CDH12: variants seen among roughly 807,000 people sequenced by gnomAD.
The protein encoded by CDH12 is cadherin 12, also known as cadherin-12.
In CDH12, 41 loss-of-function variants were observed where a neutral mutation model predicts 74.1. The observed-to-expected ratio is 0.55, with a 90% CI of 0.43 to 0.72. CDH12 has a LOEUF of 0.72. CDH12 is among the 30% of genes least tolerant of loss of function. The pLI, the probability that CDH12 is intolerant of heterozygous loss-of-function variation, is 0.00. For synonymous variants in CDH12, 399 were observed against 355.0 expected (o/e 1.12, Z -1.39); for missense variants, 945 against 977.2 (o/e 0.97, Z 0.44).
chr5:21,763,712 T>C (rs775260221), intron 12 of CDH12, among the ~76,000 whole-genome samples: 1 of 152,156 alleles, frequency 6.6e-6, no homozygotes, highest in Non-Finnish European at 1.5e-5. Context: ...TTTATATTAT[T>C]CCTAAATTCA....
chr5:22,456,017 G>A (rs1283531538), intron 2 of CDH12, among the ~76,000 whole-genome samples: 3 of 151,704 alleles, frequency 2.0e-5, no homozygotes, highest in South Asian at 4.2e-4. Flanking sequence ...AAATACTCCC[G>A]ACATGCTTAA....
chr5:22,029,529 C>T (rs575377285), intron 5 of CDH12, among the ~76,000 whole-genome samples: 1 of 151,246 alleles, frequency 6.6e-6, no homozygotes, highest in South Asian at 2.1e-4. Context: ...TCATCACTGG[C>T]CATCAGAGAA....
chr5:22,846,243 G>T lies in CDH12; in HGVS notation c.-523+6815C>A, dbSNP rs76936798. Among the ~76,000 whole-genome samples the T allele has an allele frequency of 7.9e-3, 1,208 of 152,304 alleles. 17 individuals carry two copies. The highest frequency in any genetic ancestry group is 0.028 in the African/African-American group (1,148 of 41,572). ...AAATGAAAAGTCTGGTTTTGAACAA[G>T]TTGGGTTTCAAGTGACTGTTAGATT... On this transcript the variant is annotated intron_variant, in intron 1 of 14. Transcript: ENST00000382254.
At chr5:21,768,855 A>G (rs1466152027) in intron 11 of CDH12, among the ~76,000 whole-genome samples, 2 of 152,050 alleles carry the variant, frequency 1.3e-5, no homozygotes, top group Non-Finnish European at 1.5e-5. Flanking sequence ...TGTTTCTTAT[A>G]AACATAAATA....
chr5:22,540,191 T>C (rs763888742), intron 1 of CDH12, among the ~76,000 whole-genome samples: 3 of 152,126 alleles, frequency 2.0e-5, no homozygotes, highest in Non-Finnish European at 4.4e-5. Context: ...ATAAATATAT[T>C]CATATATGTC....
intron 1 of CDH12, among the ~76,000 whole-genome samples, chr5:22,508,548 A>G (rs1303257439): frequency 1.3e-5 from 2 of 152,116 alleles, no homozygotes; most frequent in Non-Finnish European, 2.9e-5. Flanking sequence ...AAAGTCTAGC[A>G]CCTTTTAAAG....
At chr5:22,002,968 T>C (rs192313630) in intron 5 of CDH12, among the ~76,000 whole-genome samples, 93 of 152,200 alleles carry the variant, frequency 6.1e-4, no homozygotes, top group African/African-American at 2.2e-3. Context: ...TAAATTGTGC[T>C]TTCAAAAATG....
At chr5:22,271,642 T>A (rs991834137) in intron 3 of CDH12, among the ~76,000 whole-genome samples, 10 of 152,200 alleles carry the variant, frequency 6.6e-5, no homozygotes, top group Non-Finnish European at 8.8e-5. Flanking sequence ...AATAAGACTT[T>A]GAAGTCGAGA....
chr5:22,105,300 G>A lies in CDH12; in HGVS notation c.-186-26438C>T, dbSNP rs372645437. Among the ~76,000 whole-genome samples, 760 of 151,102 alleles carry A rather than the reference G, an allele frequency of 5.0e-3. 8 individuals are homozygous for A. The highest frequency in any genetic ancestry group is 0.012 in the South Asian group (59 of 4,746). On this transcript the variant is annotated intron_variant, in intron 4 of 14. Coordinates refer to ENST00000382254, the MANE Select transcript of CDH12 (RefSeq NM_004061.5). Reference sequence around the variant, plus strand: ...AGTAGAGATAGGGTTTCACCATGTTGGCCAGGATGGTCTTGATCTCCTGAC... The same window carrying A: ...AGTAGAGATAGGGTTTCACCATGTTAGCCAGGATGGTCTTGATCTCCTGAC...
chr5:22,045,083 G>A (rs375544519), intron 5 of CDH12, among the ~76,000 whole-genome samples: 4 of 152,266 alleles, frequency 2.6e-5, no homozygotes. Flanking sequence ...CAATTCAACA[G>A]CAAAAATCAA....
Position 22,367,719 on chromosome 5 carries a change from C to G in CDH12, c.-333+37538G>C, listed in dbSNP as rs999300174. On this transcript the variant is annotated intron_variant, in intron 3 of 14. Transcript: ENST00000382254. ...TATCAGGTAAATATAGAAGCCCATT[C>G]CTCTCTAATAGTAGAGATAACACCT... 2.4e-4 allele frequency among the ~76,000 whole-genome samples: 37 copies of G among 152,118 alleles called. 1 individual carries two copies. Among genetic ancestry groups the G allele is most frequent in the African/African-American group, 8.2e-4 (34 of 41,436 alleles).
chr5:22,375,378 C>T (rs934838168), intron 3 of CDH12, among the ~76,000 whole-genome samples: 2 of 152,048 alleles, frequency 1.3e-5, no homozygotes, highest in African/African-American at 4.8e-5. Context: ...TTCAAGACAT[C>T]AGTCTAGATA....
At chr5:22,467,713 T>C (rs55759855) in intron 2 of CDH12, among the ~76,000 whole-genome samples, 11 of 152,334 alleles carry the variant, frequency 7.2e-5, no homozygotes, top group Non-Finnish European at 1.2e-4. Flanking sequence ...TAATATCTAA[T>C]ATTATGTCTA....
At chr5:22,406,749 A>ATT (rs1444436291) in intron 2 of CDH12, among the ~76,000 whole-genome samples, 2 of 152,094 alleles carry the variant, frequency 1.3e-5, no homozygotes, top group African/African-American at 4.8e-5. Context: ...TTATCTGTTT[A>ATT]TTGAATGTGG....
chr5:22,285,245 G>A (rs560692693), intron 3 of CDH12, among the ~76,000 whole-genome samples: 1 of 152,078 alleles, frequency 6.6e-6, no homozygotes, highest in East Asian at 1.9e-4. Flanking sequence ...AAAATAAATT[G>A]TTTTTCCTTA....
chr5:22,623,545 G>A (rs1175356811), intron 1 of CDH12, among the ~76,000 whole-genome samples: 1 of 152,090 alleles, frequency 6.6e-6, no homozygotes, highest in Admixed American at 6.5e-5. Context: ...GCCAAATCAT[G>A]AGTGAACTCC....
intron 3 of CDH12, among the ~76,000 whole-genome samples, chr5:22,240,480 C>A (rs1362315465): frequency 6.6e-6 from 1 of 152,084 alleles, no homozygotes; most frequent in Non-Finnish European, 1.5e-5. Context: ...AGAATGTAAG[C>A]AAAATTTGAA....
chr5:21,757,406 C>T (rs573281291), intron 13 of CDH12, among the ~76,000 whole-genome samples: 2 of 152,244 alleles, frequency 1.3e-5, no homozygotes, highest in Non-Finnish European at 2.9e-5. Flanking sequence ...GAACTTCTGA[C>T]CTCAGGTGAT....
intron 4 of CDH12, among the ~76,000 whole-genome samples, chr5:22,126,040 C>A (rs1426441976): frequency 6.7e-6 from 1 of 149,930 alleles, no homozygotes; most frequent in African/African-American, 2.4e-5. Flanking sequence ...TAATATTGTC[C>A]TTTTTTTCTA....
Sources: gnomAD v4.1 joint callset for allele counts (sites outside exome capture counted in the v4.1 genomes callset) on GRCh38, gnomAD v4.1.1 for gene constraint, MANE v1.5 for transcripts, NCBI Gene and HGNC (gene_info 2026-07-23, HGNC 2026-07-21) for gene names.